NUFIP2: variants seen among roughly 807,000 people sequenced by gnomAD.
NUFIP2 encodes the protein FMR1-interacting protein NUFIP2.
In NUFIP2, 6 loss-of-function variants were observed where a neutral mutation model predicts 56.9. The ratio of observed to expected loss-of-function variants is 0.11; its 90% CI spans 0.06 to 0.21. The LOEUF (loss-of-function observed/expected upper bound fraction) is 0.21, where lower values mean the gene tolerates loss of function less well. Ranked by LOEUF, NUFIP2 falls within the 10% of genes least tolerant of loss-of-function variation. The pLI is 1.00. For synonymous variants in NUFIP2, 321 were observed against 298.2 expected (o/e 1.08, Z -0.79); for missense variants, 828 against 826.8 (o/e 1.00, Z -0.02).
chr17:29,272,180 TTC>T (rs1386974081), intron 2 of NUFIP2, among the ~76,000 whole-genome samples: 1 of 151,068 alleles, frequency 6.6e-6, no homozygotes, highest in Non-Finnish European at 1.5e-5. Context: ...TGACATTACC[TTC>T]TGTCCTCAAA....
rs758659465 is a variant in NUFIP2 at position 29,286,021 on chromosome 17, A to G, written c.1973T>C (p.Leu658Pro). ...AGTGTGATATACAATAGCAGCCCTC[A>G]GGTCAAAAGAACCCCAGCTATCATT... is the stretch of plus-strand genomic sequence containing the variant. The part of the protein sequence containing the change: ...ERNDSWGSFD[L>P]RAAIVYHTKE... The change falls in exon 2 of 4, where the codon CTG becomes CCG. Residue 658 changes from leucine to proline, a missense_variant. Physicochemically the swap from Leu to Pro is moderately conservative, Grantham distance 98 (BLOSUM62 -3). Coordinates refer to ENST00000225388, the MANE Select transcript of NUFIP2 (RefSeq NM_020772.3). The G allele has an allele frequency of 6.2e-6, 10 of 1,613,346 alleles. No individual in the cohort carries two copies. The highest frequency in any genetic ancestry group is 8.5e-6 in the Non-Finnish European group (10 of 1,179,612).
chr17:29,267,027 C>A (rs2069041495), intron 3 of NUFIP2, among the ~76,000 whole-genome samples: 1 of 151,724 alleles, frequency 6.6e-6, no homozygotes, highest in Admixed American at 6.6e-5. Context: ...CCTCAGCCTC[C>A]CAAGTAGCTG....
chr17:29,276,094 T>C (rs1176130368), intron 2 of NUFIP2, among the ~76,000 whole-genome samples: 1 of 151,116 alleles, frequency 6.6e-6, no homozygotes, highest in Non-Finnish European at 1.5e-5. Flanking sequence ...GGATTCTCAC[T>C]GCCTACAGCA....
chr17:29,292,805 A>T (rs1422850772), intron 1 of NUFIP2, among the ~76,000 whole-genome samples: 1 of 117,484 alleles, frequency 8.5e-6, no homozygotes, highest in African/African-American at 3.2e-5. Flanking sequence ...CCCCACCCCA[A>T]CCGCCCCCGC....
At chr17:29,281,214 G>A (rs557789516) in intron 2 of NUFIP2, among the ~76,000 whole-genome samples, 16 of 152,082 alleles carry the variant, frequency 1.1e-4, no homozygotes, top group Non-Finnish European at 2.4e-4. Flanking sequence ...CCAGCTACTA[G>A]GGAGGCTGAG....
chr17:29,274,217 T>C (rs1310904422), intron 2 of NUFIP2, among the ~76,000 whole-genome samples: 3 of 152,186 alleles, frequency 2.0e-5, no homozygotes, highest in South Asian at 4.1e-4. Context: ...CCTGTGGTGG[T>C]TCACACCTGT....
Position 29,261,869 on chromosome 17 carries a change from A to G in NUFIP2, c.*2670T>C, listed in dbSNP as rs1408748455. On this transcript the variant is annotated 3_prime_UTR_variant, in exon 4 of 4. Transcript: ENST00000225388. Reference sequence around the variant, plus strand: ...AGACATTCCTAACTACATACCTCTAACCATATAATCAAGGAAATTTCAGTG... The same window carrying G: ...AGACATTCCTAACTACATACCTCTAGCCATATAATCAAGGAAATTTCAGTG... 1 of 152,540 alleles carries G rather than the reference A, an allele frequency of 6.6e-6. No homozygotes were observed. Among genetic ancestry groups the G allele is most frequent in the Non-Finnish European group, 1.5e-5 (1 of 67,980 alleles). 9.4% of individuals were successfully genotyped at this position (152,540 alleles called of 1,614,324 possible). A position where few individuals can be genotyped will look rare whatever the true frequency, so the allele number is the denominator to read the frequency against.
At chr17:29,279,991 G>T (rs184383078) in intron 2 of NUFIP2, among the ~76,000 whole-genome samples, 3 of 151,978 alleles carry the variant, frequency 2.0e-5, no homozygotes, top group Admixed American at 6.6e-5. Context: ...GCTAATTTTT[G>T]TATTTTCATA....
chr17:29,267,635 T>C lies in NUFIP2; in HGVS notation c.2003-105A>G, dbSNP rs375221111. ...AATCCTAGACTGATTACTGCCAGAC[T>C]GGAGGTAGGGTTGAAAATGGCAAAA... is the stretch of plus-strand genomic sequence containing the variant. On this transcript the variant is annotated intron_variant, in intron 2 of 3. Coordinates refer to ENST00000225388, the MANE Select transcript of NUFIP2 (RefSeq NM_020772.3). 153 of 654,614 alleles carry C rather than the reference T, an allele frequency of 2.3e-4. No individual in the cohort carries two copies. The East Asian group carries it at 4.0e-3, about 17-fold the overall frequency. 40.6% of individuals were successfully genotyped at this position (654,614 alleles called of 1,614,324 possible). A position where few individuals can be genotyped will look rare whatever the true frequency, so the allele number is the denominator to read the frequency against.
At chr17:29,272,386 G>A (rs762689811) in intron 2 of NUFIP2, among the ~76,000 whole-genome samples, 17 of 151,700 alleles carry the variant, frequency 1.1e-4, no homozygotes, top group Non-Finnish European at 2.2e-4. Context: ...GACTACAGGC[G>A]CATGCCACCA....
intron 2 of NUFIP2, among the ~76,000 whole-genome samples, chr17:29,270,455 A>G (rs1361435568): frequency 1.3e-5 from 2 of 152,082 alleles, no homozygotes; most frequent in Non-Finnish European, 2.9e-5. Flanking sequence ...TTATCTTACG[A>G]ATTTCTGGAT....
chr17:29,293,603 G>C (rs987579423), intron 1 of NUFIP2, among the ~76,000 whole-genome samples, 180 bp downstream of exon 1: 2 of 152,010 alleles, frequency 1.3e-5, no homozygotes, highest in Non-Finnish European at 2.9e-5. Flanking sequence ...GGGAAGGAGA[G>C]GGCGCTGCAA....
intron 1 of NUFIP2, among the ~76,000 whole-genome samples, chr17:29,292,632 A>G (rs1422069036): frequency 7.0e-6 from 1 of 143,126 alleles, no homozygotes; most frequent in Non-Finnish European, 1.5e-5. Flanking sequence ...TGCCTCTAGG[A>G]GCGCCGCGGC....
rs2068991735 is a variant in NUFIP2, at chr17:29,259,731, G to A, written c.*4808C>T. 1 of 152,108 alleles carries A rather than the reference G, an allele frequency of 6.6e-6. No individual in the cohort carries two copies. Among genetic ancestry groups the A allele is most frequent in the Non-Finnish European group, 1.5e-5 (1 of 68,026 alleles). 9.4% of individuals were successfully genotyped at this position (152,108 alleles called of 1,614,324 possible). ...ATTCCATAGTTTCTAGCCCATAACT[G>A]ATTTACCATTCCCAATAATGCAAGA... On this transcript the variant is annotated 3_prime_UTR_variant, in exon 4 of 4. Coordinates refer to ENST00000225388, the MANE Select transcript of NUFIP2 (RefSeq NM_020772.3).
intron 2 of NUFIP2, among the ~76,000 whole-genome samples, chr17:29,285,549 C>T (rs970470699): frequency 6.6e-6 from 1 of 152,010 alleles, no homozygotes. Context: ...CGGGATTACG[C>T]CACTGCACTC....
rs915853199 is a variant in NUFIP2 at position 29,257,673 on chromosome 17, C to T, written c.*6866G>A. 3.3e-5 allele frequency: 5 copies of T among 152,024 alleles called. No homozygotes were observed. Among genetic ancestry groups the T allele is most frequent in the African/African-American group, 1.2e-4 (5 of 41,382 alleles). 9.4% of individuals were successfully genotyped at this position (152,024 alleles called of 1,614,324 possible). On this transcript the variant is annotated 3_prime_UTR_variant, in exon 4 of 4. Coordinates refer to ENST00000225388, the MANE Select transcript of NUFIP2 (RefSeq NM_020772.3). ...TTGGATCATAGCTCACACAGAATTC[C>T]AAATTAAAGTGGACTCCATTATCTC...
intron 1 of NUFIP2, 36 bp downstream of exon 1, chr17:29,293,747 C>A: frequency 7.2e-7 from 1 of 1,384,130 alleles, no homozygotes; most frequent in Non-Finnish European, 1.0e-6. Flanking sequence ...TCCTCCACCC[C>A]CAACCCCCTT....
chr17:29,286,839 T>A lies in NUFIP2; in HGVS notation c.1155A>T (p.Ser385=). 1 of 1,613,906 alleles carries A rather than the reference T, an allele frequency of 6.2e-7. No individual in the cohort carries two copies. Among genetic ancestry groups the A allele is most frequent in the African/African-American group, 1.3e-5 (1 of 75,020 alleles). Residue 385 remains serine, a synonymous_variant, in exon 2 of 4, where the codon TCA becomes TCT. Transcript: ENST00000225388. The part of the protein sequence containing the change: ...VSPTSSSSSS[S]STGETQTQSS... ...ATTGGGTCTGAGTTTCCCCGGTAGATGATGAAGATGATGAAGATGAAGTTG... is the reference window on the plus strand; with the variant it reads ...ATTGGGTCTGAGTTTCCCCGGTAGAAGATGAAGATGATGAAGATGAAGTTG...
At chr17:29,273,493 C>G (rs71371110) in intron 2 of NUFIP2, among the ~76,000 whole-genome samples, 3 of 148,166 alleles carry the variant, frequency 2.0e-5, no homozygotes, top group Non-Finnish European at 3.0e-5. Context: ...ACACTGCTCT[C>G]TTCTACACAC....
Sources: gnomAD v4.1 joint callset for allele counts (sites outside exome capture counted in the v4.1 genomes callset) on GRCh38, gnomAD v4.1.1 for gene constraint, MANE v1.5 for transcripts, NCBI Gene and HGNC (gene_info 2026-07-23, HGNC 2026-07-21) for gene names.